SLC4A4: variants seen among roughly 807,000 people sequenced by gnomAD.
The protein encoded by SLC4A4 is electrogenic sodium bicarbonate cotransporter 1.
Under a neutral mutation model 111.5 loss-of-function variants are expected in SLC4A4, and 27 were observed. That is an observed-to-expected ratio of 0.24 (90% confidence interval 0.18 to 0.33). The LOEUF (loss-of-function observed/expected upper bound fraction) is 0.33, where lower values mean the gene tolerates loss of function less well. Among genes scored for constraint, SLC4A4 ranks in the 10% least tolerant of loss-of-function variants. The pLI is 1.00. For missense variants in SLC4A4, 909 were observed against 1,315.5 expected, an observed-to-expected ratio of 0.69 and a Z score of 4.78; for synonymous variants, 443 against 463.4, an observed-to-expected ratio of 0.96 and a Z score of 0.57.
rs1230313980 is a variant in SLC4A4, at chr4:71,156,578, G to GCGCA, written c.-2+63789_-2+63790insACGC. Reference sequence around the variant, plus strand: ...CAAATAAGTGTGTGCGCGCATGCGCGCGCGCGCGCGCACACACACACACAC... The same window carrying GCGCA: ...CAAATAAGTGTGTGCGCGCATGCGCGCGCACGCGCGCGCGCACACACACACACAC... On this transcript the variant is annotated intron_variant, in intron 2 of 26. Coordinates refer to the SLC4A4 transcript ENST00000649996. Among the ~76,000 whole-genome samples, 9 of 101,350 alleles carry GCGCA rather than the reference G, an allele frequency of 8.9e-5. No homozygotes were observed. In the South Asian group the frequency reaches 3.6e-3, roughly 40 times the overall value. 66.5% of individuals were successfully genotyped at this position (101,350 alleles called of 152,430 possible). A position where few individuals can be genotyped will look rare whatever the true frequency, so the allele number is the denominator to read the frequency against.
At chr4:71,175,957 C>T (rs533091934) in intron 2 of SLC4A4, among the ~76,000 whole-genome samples, 29 of 152,248 alleles carry the variant, frequency 1.9e-4, no homozygotes, top group Middle Eastern at 3.4e-3. Context: ...CTCACATGGC[C>T]GGGTACTCCT....
At chr4:71,182,274 C>G (rs1025191838), upstream of SLC4A4, among the ~76,000 whole-genome samples, 1 of 152,102 alleles carries the variant, frequency 6.6e-6, no homozygotes, top group Non-Finnish European at 1.5e-5. Flanking sequence ...CACATTTGCT[C>G]AGAGTGCTCT....
chr4:71,300,957 A>G (rs141238799), intron 3 of SLC4A4: 11 of 515,676 alleles, frequency 2.1e-5, no homozygotes, highest in Non-Finnish European at 4.4e-5. Context: ...GCCATAGATC[A>G]GGGCTGATCA....
intron 7 of SLC4A4, among the ~76,000 whole-genome samples, chr4:71,425,527 T>C (rs754606311): frequency 6.6e-6 from 1 of 152,152 alleles, no homozygotes. Context: ...TTGCCAAGAT[T>C]GAGGACATGC....
chr4:71,330,972 A>G lies in SLC4A4; in HGVS notation c.254-8398A>G, dbSNP rs187981798. On this transcript the variant is annotated intron_variant, in intron 3 of 25. Coordinates refer to ENST00000264485, the MANE Select transcript of SLC4A4 (RefSeq NM_001098484.3). ...AGACATTTATGCAGCCAACAGGCAC[A>G]TGAAAAAATGCTCATCATCACTGGC... Among the ~76,000 whole-genome samples the G allele has an allele frequency of 5.8e-3, 879 of 151,948 alleles. 8 individuals are homozygous for G. Among genetic ancestry groups the G allele is most frequent in the African/African-American group, 0.019 (792 of 41,252 alleles).
intron 7 of SLC4A4, among the ~76,000 whole-genome samples, chr4:71,438,585 G>A (rs1724381624): frequency 6.6e-6 from 1 of 152,160 alleles, no homozygotes; most frequent in Non-Finnish European, 1.5e-5. Context: ...TAAAAGCTTA[G>A]AAGTCCTCAA....
intron 25 of SLC4A4, 42 bp from the exon 26 acceptor site, chr4:71,567,746 A>G: frequency 6.4e-6 from 6 of 935,254 alleles, no homozygotes; most frequent in Admixed American, 2.7e-5. Flanking sequence ...TGATGAAGGA[A>G]ATCTGATTTA....
intron 13 of SLC4A4, among the ~76,000 whole-genome samples, chr4:71,468,327 A>G (rs774896520): frequency 1.4e-4 from 21 of 152,108 alleles, no homozygotes; most frequent in Non-Finnish European, 2.9e-4. Flanking sequence ...ACATGCACAA[A>G]CTTTGCAGAA....
chr4:71,472,198 G>A (rs905532611), intron 13 of SLC4A4, among the ~76,000 whole-genome samples: 1 of 151,870 alleles, frequency 6.6e-6, no homozygotes, highest in Non-Finnish European at 1.5e-5. Flanking sequence ...GCCAGAATTA[G>A]TTACTCCTTC....
intron 3 of SLC4A4, among the ~76,000 whole-genome samples, chr4:71,334,709 G>A (rs1358514768): frequency 1.3e-5 from 2 of 152,170 alleles, no homozygotes; most frequent in Non-Finnish European, 2.9e-5. Context: ...GTTAGGCATG[G>A]TACCTAGAGA....
At position 71,255,399 on chromosome 4, in the gene SLC4A4, A is replaced by C; in HGVS notation, c.253A>C (p.Ile85Leu). ...ESSSSILKPL[I>L]SPAAERIRFI... ...CAGCAGCAGCATCCTAAAACCTCTCAGTGAGTACTCTCTGAGCGTTGGTGC... is the reference window on the plus strand; with the variant it reads ...CAGCAGCAGCATCCTAAAACCTCTCCGTGAGTACTCTCTGAGCGTTGGTGC... The change falls in exon 3 of 26, where the codon ATC becomes CTC. Residue 85 changes from isoleucine to leucine, a missense_variant and splice_region_variant. Physicochemically the swap from Ile to Leu is conservative, Grantham distance 5. Around this residue, in one of 7 missense-constraint regions of SLC4A4, gnomAD observed 117 missense variants for 154.2 expected, o/e 0.76. Coordinates refer to ENST00000264485, the MANE Select transcript of SLC4A4 (RefSeq NM_001098484.3). The C allele has an allele frequency of 6.2e-7, 1 of 1,613,094 alleles. No homozygotes were observed. Among genetic ancestry groups the C allele is most frequent in the Non-Finnish European group, 8.5e-7 (1 of 1,179,152 alleles).
chr4:71,384,272 C>T (rs1263998944), intron 6 of SLC4A4, among the ~76,000 whole-genome samples: 1 of 152,128 alleles, frequency 6.6e-6, no homozygotes, highest in African/African-American at 2.4e-5. Flanking sequence ...CAGGTTGTAC[C>T]CTACCTCTCT....
chr4:71,258,665 G>C (rs943560161), intron 3 of SLC4A4, among the ~76,000 whole-genome samples: 1 of 152,174 alleles, frequency 6.6e-6, no homozygotes, highest in Non-Finnish European at 1.5e-5. Flanking sequence ...CCTAGATAGA[G>C]ATCCAGCTGA....
At chr4:71,115,225 T>G in intron 2 of SLC4A4, among the ~76,000 whole-genome samples, 1 of 148,106 alleles carries the variant, frequency 6.8e-6, no homozygotes, top group Non-Finnish European at 1.5e-5. Flanking sequence ...TTGGGAGATA[T>G]ACCTAATGCT....
intron 1 of SLC4A4, among the ~76,000 whole-genome samples, chr4:71,225,832 A>C (rs1719015111): frequency 6.6e-6 from 1 of 152,226 alleles, no homozygotes. Context: ...ATCCACAGTA[A>C]ATGTGCAAAA....
intron 3 of SLC4A4, among the ~76,000 whole-genome samples, chr4:71,283,224 C>T (rs1180928619): frequency 6.6e-6 from 1 of 152,082 alleles, no homozygotes; most frequent in Non-Finnish European, 1.5e-5. Flanking sequence ...CTCCCATGAT[C>T]CTCATTTCTC....
At chr4:71,107,006 G>C (rs988440782) in intron 2 of SLC4A4, among the ~76,000 whole-genome samples, 2 of 150,972 alleles carry the variant, frequency 1.3e-5, no homozygotes, top group Non-Finnish European at 2.9e-5. Flanking sequence ...AAAAAATAAA[G>C]TCTATCTGTC....
At chr4:71,368,075 A>C (rs965566828) in intron 6 of SLC4A4, among the ~76,000 whole-genome samples, 9 of 152,294 alleles carry the variant, frequency 5.9e-5, no homozygotes, top group African/African-American at 1.7e-4. Context: ...TGATGGCTAG[A>C]TATTTCCAAC....
At chr4:71,180,647 G>A (rs1383957669) in intron 2 of SLC4A4, among the ~76,000 whole-genome samples, 3 of 152,202 alleles carry the variant, frequency 2.0e-5, no homozygotes, top group Non-Finnish European at 4.4e-5. Context: ...AAACCACAAT[G>A]AGATACCATC....
Sources: gnomAD v4.1 joint callset for allele counts (sites outside exome capture counted in the v4.1 genomes callset) on GRCh38, gnomAD v4.1.1 for gene constraint, gnomAD v4.1.1 regional missense constraint, MANE v1.5 for transcripts, NCBI Gene and HGNC (gene_info 2026-07-23, HGNC 2026-07-21) for gene names.